The following RAD51 variants were observed in gnomAD, a reference collection of about 807,000 sequenced individuals.
RAD51 encodes RAD51 recombinase.
RAD51 carries 14 observed loss-of-function variants against 41.5 expected under a neutral mutation model. The ratio of observed to expected loss-of-function variants is 0.34; its 90% confidence interval spans 0.22 to 0.53. RAD51 has a LOEUF of 0.53. RAD51 is among the 20% of genes least tolerant of loss of function. RAD51 has a pLI of 0.95. For missense variants in RAD51, 234 were observed against 422.0 expected (o/e 0.55, Z 3.90); for synonymous variants, 136 against 148.6 (o/e 0.92, Z 0.62).
In RAD51 at chr15:40,731,271, T is replaced by TG; in HGVS notation, c.*94dup. The stretch of plus-strand genomic sequence containing the variant: ...GGGTTCTCTACAGGCCTCTTCCTGT[T>TG]GTGACTGCCAGGATAAAGCTTCCGG... On this transcript the variant is annotated 3_prime_UTR_variant, in exon 10 of 10. Coordinates refer to ENST00000267868, the MANE Select transcript of RAD51 (RefSeq NM_002875.5). 1 of 1,549,952 alleles carries TG rather than the reference T, an allele frequency of 6.5e-7. No homozygotes were observed. Among genetic ancestry groups the TG allele is most frequent in the Non-Finnish European group, 8.9e-7 (1 of 1,125,630 alleles).
chr15:40,724,711 G>A (rs1291700102), intron 6 of RAD51, among the ~76,000 whole-genome samples: 3 of 109,240 alleles, frequency 2.7e-5, no homozygotes, highest in South Asian at 3.2e-4. Context: ...ACAGAGTCTC[G>A]CTCTGTCGCC....
At chr15:40,714,819 G>A (rs1895905746) in intron 5 of RAD51, among the ~76,000 whole-genome samples, 1 of 152,144 alleles carries the variant, frequency 6.6e-6, no homozygotes, top group African/African-American at 2.4e-5. Context: ...TCATAAAGTT[G>A]AGAGCTACAG....
chr15:40,715,182 C>G (rs755930103), intron 5 of RAD51, among the ~76,000 whole-genome samples: 3 of 151,910 alleles, frequency 2.0e-5, no homozygotes, highest in Admixed American at 6.6e-5. Flanking sequence ...ATGGTGCAAC[C>G]CTGTCTCTAC....
At chr15:40,712,077 CAAA>C in intron 5 of RAD51, among the ~76,000 whole-genome samples, 1 of 107,316 alleles carries the variant, frequency 9.3e-6, no homozygotes, top group Admixed American at 9.2e-5. Flanking sequence ...GTCTCCATCT[CAAA>C]AAAAAAAAAA....
At chr15:40,711,986 C>T (rs45461591) in intron 5 of RAD51, among the ~76,000 whole-genome samples, 1 of 151,334 alleles carries the variant, frequency 6.6e-6, no homozygotes, top group Admixed American at 6.6e-5. Context: ...GCGGGAGAAT[C>T]GCTTGAGCCC....
intron 3 of RAD51, among the ~76,000 whole-genome samples, chr15:40,705,427 G>C (rs1197126566): frequency 6.6e-6 from 1 of 152,182 alleles, no homozygotes; most frequent in African/African-American, 2.4e-5. Context: ...ATAGAGGTGG[G>C]GAAGTAGCCA....
At chr15:40,719,657 C>T (rs933960468) in intron 6 of RAD51, among the ~76,000 whole-genome samples, 1 of 152,004 alleles carries the variant, frequency 6.6e-6, no homozygotes, top group African/African-American at 2.4e-5. Flanking sequence ...ACAGTGAAAC[C>T]TCGTCTCTAT....
At chr15:40,710,875 T>C (rs1055642146) in intron 5 of RAD51, among the ~76,000 whole-genome samples, 1 of 152,202 alleles carries the variant, frequency 6.6e-6, no homozygotes, top group African/African-American at 2.4e-5. Context: ...CCATTTTCTC[T>C]TGTACCTCTC....
intron 5 of RAD51, 91 bp downstream of exon 5, chr15:40,709,207 A>G: frequency 3.6e-6 from 4 of 1,103,840 alleles, no homozygotes; most frequent in Non-Finnish European, 5.5e-6. Flanking sequence ...CATAAAAGGT[A>G]CTTTCTCTGT....
intron 2 of RAD51, among the ~76,000 whole-genome samples, chr15:40,699,232 G>C (rs3101861): frequency 0.51 from 77,078 of 151,966 alleles, 20,481 homozygotes; most frequent in African/African-American, 0.65. Context: ...CAACCTCTGC[G>C]TCCCAGGTTC....
chr15:40,708,871 G>A (rs1895519689), intron 4 of RAD51, among the ~76,000 whole-genome samples, 154 bp from the exon 5 acceptor site: 1 of 152,214 alleles, frequency 6.6e-6, no homozygotes, highest in Non-Finnish European at 1.5e-5. Context: ...ACCACGGCTA[G>A]CCTCAAAATA....
In RAD51 at chr15:40,727,779, T is replaced by A. The variant is rs1896660359; in HGVS notation, c.531-932T>A. ...AGGATCGTAAGGTGTAACTCTATCCTAATGCCATCTGTTTATCCTCATGAC... is the reference window on the plus strand; with the variant it reads ...AGGATCGTAAGGTGTAACTCTATCCAAATGCCATCTGTTTATCCTCATGAC... On this transcript the variant is annotated intron_variant, in intron 6 of 9. Transcript: ENST00000267868. Among the ~76,000 whole-genome samples the A allele has an allele frequency of 2.6e-5, 4 of 152,074 alleles. No homozygotes were observed. In the South Asian group the frequency reaches 8.3e-4, roughly 31 times the overall value.
intron 6 of RAD51, among the ~76,000 whole-genome samples, chr15:40,723,502 C>T (rs1018945589): frequency 6.6e-6 from 1 of 152,092 alleles, no homozygotes; most frequent in African/African-American, 2.4e-5. Context: ...TAAAAAAGAA[C>T]TTAAGTACTG....
At chr15:40,721,723 C>A (rs1002117165) in intron 6 of RAD51, among the ~76,000 whole-genome samples, 1 of 152,116 alleles carries the variant, frequency 6.6e-6, no homozygotes, top group Non-Finnish European at 1.5e-5. Context: ...TGCAAAATAA[C>A]TTTAGACCCT....
chr15:40,724,609 C>T (rs371243795), intron 6 of RAD51, among the ~76,000 whole-genome samples: 2 of 151,688 alleles, frequency 1.3e-5, no homozygotes, highest in South Asian at 2.1e-4. Context: ...CTCAAGCAGT[C>T]CCCCCTCCTC....
chr15:40,697,484 C>T (rs753623539), intron 1 of RAD51, among the ~76,000 whole-genome samples: 3 of 150,950 alleles, frequency 2.0e-5, no homozygotes, highest in Admixed American at 6.6e-5. Flanking sequence ...TTCAAGAAAT[C>T]TTTTTCTGTC....
At chr15:40,697,631 G>T (rs1232032084) in intron 1 of RAD51, among the ~76,000 whole-genome samples, 1 of 135,706 alleles carries the variant, frequency 7.4e-6, no homozygotes, top group Admixed American at 8.3e-5. Flanking sequence ...AGGCTGGAGT[G>T]CAGTGGCGCG....
chr15:40,720,818 T>A (rs1047618467), intron 6 of RAD51, among the ~76,000 whole-genome samples: 1 of 152,176 alleles, frequency 6.6e-6, no homozygotes, highest in South Asian at 2.1e-4. Flanking sequence ...GAAACATTAC[T>A]GAGAAAAATT....
chr15:40,708,100 C>T (rs1036728411), intron 4 of RAD51, among the ~76,000 whole-genome samples: 2 of 150,390 alleles, frequency 1.3e-5, no homozygotes, highest in African/African-American at 2.5e-5. Context: ...CTCACTGCCA[C>T]TTCCGCCCCC....
Sources: gnomAD v4.1 joint callset for allele counts (sites outside exome capture counted in the v4.1 genomes callset) on GRCh38, gnomAD v4.1.1 for gene constraint, MANE v1.5 for transcripts, NCBI Gene and HGNC (gene_info 2026-07-23, HGNC 2026-07-21) for gene names.